The following TBC1D5 variants were observed in gnomAD, a reference collection of about 807,000 sequenced individuals.
TBC1D5 encodes TBC1 domain family member 5.
TBC1D5 carries 75 observed loss-of-function variants against 100.3 expected under a neutral mutation model. That is an observed-to-expected ratio of 0.75 (90% CI 0.62 to 0.91). The LOEUF (loss-of-function observed/expected upper bound fraction) is 0.91, where lower values mean the gene tolerates loss of function less well. TBC1D5 is among the 40% of genes least tolerant of loss of function. The pLI is 0.00. For synonymous variants in TBC1D5, 323 were observed against 325.6 expected, an observed-to-expected ratio of 0.99 and a Z score of 0.09; for missense variants, 910 against 942.4, an observed-to-expected ratio of 0.97 and a Z score of 0.45.
intron 1 of TBC1D5, among the ~76,000 whole-genome samples, chr3:17,701,943 A>G (rs1372540937): frequency 6.6e-6 from 1 of 152,072 alleles, no homozygotes; most frequent in African/African-American, 2.4e-5. Flanking sequence ...GTTATTGGAG[A>G]CCAAATTTCA....
At chr3:17,420,820 A>G (rs779993222) in intron 4 of TBC1D5, among the ~76,000 whole-genome samples, 1 of 152,204 alleles carries the variant, frequency 6.6e-6, no homozygotes, top group Non-Finnish European at 1.5e-5. Context: ...ATTGACTCAG[A>G]GTAGCTTATC....
intron 16 of TBC1D5, among the ~76,000 whole-genome samples, chr3:17,246,131 T>G (rs2076717488): frequency 6.6e-6 from 1 of 152,092 alleles, no homozygotes; most frequent in African/African-American, 2.4e-5. Context: ...CAGAAGCCAA[T>G]AAAATATAAA....
chr3:17,455,464 A>G (rs1437478353), intron 3 of TBC1D5, among the ~76,000 whole-genome samples: 1 of 146,482 alleles, frequency 6.8e-6, no homozygotes, highest in Non-Finnish European at 1.5e-5. Context: ...GTGTGTATAT[A>G]TATGTGTATA....
chr3:17,676,947 A>G (rs540436748), intron 1 of TBC1D5, among the ~76,000 whole-genome samples: 11 of 152,342 alleles, frequency 7.2e-5, no homozygotes, highest in Admixed American at 7.2e-4. Context: ...CTGGCTAGCC[A>G]TATGGAGAAA....
At chr3:17,602,634 G>T (rs1049471261) in intron 2 of TBC1D5, among the ~76,000 whole-genome samples, 1 of 136,922 alleles carries the variant, frequency 7.3e-6, no homozygotes, top group Non-Finnish European at 1.5e-5. Context: ...GTGCAGTGGC[G>T]CAATCTCGGC....
At chr3:17,374,445 G>T in intron 12 of TBC1D5, 26 bp downstream of exon 12, 1 of 1,597,882 alleles carries the variant, frequency 6.3e-7, no homozygotes, top group Non-Finnish European at 8.5e-7. Context: ...AGCATATACT[G>T]AAAAGATCTG....
rs75337659 is a variant in TBC1D5, at chr3:17,348,561, A to G, written c.995+23514T>C. Among the ~76,000 whole-genome samples the G allele has an allele frequency of 3.4e-3, 522 of 152,214 alleles. 2 individuals are homozygous for G. Among genetic ancestry groups the G allele is most frequent in the African/African-American group, 0.012 (508 of 41,554 alleles). On this transcript the variant is annotated intron_variant, in intron 13 of 21. Transcript: ENST00000253692. ...CTGGCTTTAATTTACCTCTCATACA[A>G]TTCTTCTTGGCTGTCTTTTTTTCTG...
intron 13 of TBC1D5, among the ~76,000 whole-genome samples, chr3:17,310,263 T>C (rs1453239835): frequency 6.6e-6 from 1 of 152,248 alleles, no homozygotes; most frequent in East Asian, 1.9e-4. Context: ...CATCTAGTAA[T>C]CTACACTGAA....
At chr3:17,540,187 T>C (rs542769549) in intron 2 of TBC1D5, among the ~76,000 whole-genome samples, 12 of 152,358 alleles carry the variant, frequency 7.9e-5, no homozygotes, top group Admixed American at 7.2e-4. Flanking sequence ...ACCAAGCTGT[T>C]TGTTTTGTTG....
chr3:17,706,333 GA>G, intron 1 of TBC1D5: 1 of 1,342,356 alleles, frequency 7.4e-7, no homozygotes, highest in East Asian at 2.5e-5. Context: ...ATACCTTTGT[GA>G]AAGAGCACAT....
chr3:17,462,590 G>A (rs2095234933), intron 3 of TBC1D5, among the ~76,000 whole-genome samples: 2 of 152,026 alleles, frequency 1.3e-5, no homozygotes, highest in Non-Finnish European at 2.9e-5. Context: ...CAAAATGCTG[G>A]GATTACAGGC....
intron 1 of TBC1D5, among the ~76,000 whole-genome samples, chr3:17,720,451 T>C (rs942137302): frequency 8.5e-5 from 13 of 152,198 alleles, no homozygotes; most frequent in Non-Finnish European, 1.9e-4. Context: ...AATGGCTAAA[T>C]GTTGAGTAAA....
chr3:17,388,920 C>T (rs746581910), intron 8 of TBC1D5, among the ~76,000 whole-genome samples: 1 of 151,962 alleles, frequency 6.6e-6, no homozygotes, highest in Non-Finnish European at 1.5e-5. Flanking sequence ...TGTAACACTA[C>T]TAATAATAAA....
intron 2 of TBC1D5, among the ~76,000 whole-genome samples, chr3:17,565,627 C>T (rs1478400018): frequency 6.6e-6 from 1 of 152,054 alleles, no homozygotes; most frequent in Non-Finnish European, 1.5e-5. Context: ...TCAGATACAA[C>T]AGCACAACCA....
At position 17,212,706 on chromosome 3, in the gene TBC1D5, G is replaced by A. The variant is rs140358930; in HGVS notation, c.1752+1501C>T. Among the ~76,000 whole-genome samples, 894 of 151,648 alleles carry A rather than the reference G, an allele frequency of 5.9e-3. 33 individuals are homozygous for A. Among genetic ancestry groups the A allele is most frequent in the Admixed American group, 0.054 (816 of 15,244 alleles). ...TAGGCCTAGCCTAATGTGCGTGTCCGTTTTTAACAAAAAAGCTTAAAAAGT... is the reference window on the plus strand; with the variant it reads ...TAGGCCTAGCCTAATGTGCGTGTCCATTTTTAACAAAAAAGCTTAAAAAGT... On this transcript the variant is annotated intron_variant, in intron 18 of 21. Transcript: ENST00000253692.
intron 2 of TBC1D5, among the ~76,000 whole-genome samples, chr3:17,530,740 T>C (rs2096210136): frequency 6.6e-6 from 1 of 152,166 alleles, no homozygotes; most frequent in African/African-American, 2.4e-5. Context: ...AACCACACGA[T>C]TATCTCAATA....
At chr3:17,457,462 T>C (rs1206230431) in intron 3 of TBC1D5, among the ~76,000 whole-genome samples, 1 of 152,224 alleles carries the variant, frequency 6.6e-6, no homozygotes, top group African/African-American at 2.4e-5. Flanking sequence ...GACCCTGACA[T>C]AGCCATTCTC....
Position 17,691,252 on chromosome 3 carries a change from C to T in TBC1D5, c.-101+48091G>A, listed in dbSNP as rs553222045. On this transcript the variant is annotated intron_variant, in intron 1 of 21. Transcript: ENST00000253692. ...TCCTGTAACACCTTTATAGTCACAC[C>T]GACCCCCGATCCCTGGCACTCCCAC... 1.8e-4 allele frequency among the ~76,000 whole-genome samples: 28 copies of T among 152,170 alleles called. No homozygotes were observed. In the South Asian group the frequency reaches 3.7e-3, roughly 20 times the overall value.
At chr3:17,337,679 A>T (rs1471136151) in intron 13 of TBC1D5, 1 of 152,194 alleles carries the variant, frequency 6.6e-6, no homozygotes, top group East Asian at 1.9e-4. Flanking sequence ...AATAAAGAAC[A>T]CAATTTTATT....
Sources: gnomAD v4.1 joint callset for allele counts (sites outside exome capture counted in the v4.1 genomes callset) on GRCh38, gnomAD v4.1.1 for gene constraint, MANE v1.5 for transcripts, NCBI Gene and HGNC (gene_info 2026-07-23, HGNC 2026-07-21) for gene names.